Variants in FBXO25 observed in about 807,000 individuals in gnomAD.
The protein encoded by FBXO25 is F-box only protein 25.
Under a neutral mutation model 51.9 loss-of-function variants are expected in FBXO25, and 45 were observed. That is an observed-to-expected ratio of 0.87 (90% CI 0.68 to 1.11). FBXO25 has a LOEUF of 1.11. Among genes scored for constraint, FBXO25 ranks in the 50% most tolerant of loss-of-function variants. FBXO25 has a pLI of 0.00. For synonymous variants in FBXO25, 199 were observed against 151.0 expected (o/e 1.32, Z -2.33); for missense variants, 507 against 428.5 (o/e 1.18, Z -1.62).
At chr8:435,120 T>C (rs1350657954) in intron 4 of FBXO25, among the ~76,000 whole-genome samples, 3 of 152,168 alleles carry the variant, frequency 2.0e-5, no homozygotes, top group African/African-American at 7.2e-5. Context: ...GCATGGCTGC[T>C]CTGGAGAGAA....
chr8:412,106 T>G (rs913625457), intron 1 of FBXO25, among the ~76,000 whole-genome samples: 4 of 152,234 alleles, frequency 2.6e-5, no homozygotes, highest in Non-Finnish European at 5.9e-5. Context: ...GTGAGCGTCA[T>G]GAAGTTAATC....
intron 9 of FBXO25, chr8:468,216 G>C (rs936900560): frequency 5.0e-6 from 5 of 1,009,336 alleles, no homozygotes; most frequent in Non-Finnish European, 5.9e-6. Context: ...GAGCAAGCAG[G>C]AGCCTTGGGG....
chr8:422,058 A>G (rs1453502955), intron 2 of FBXO25, among the ~76,000 whole-genome samples: 2 of 152,240 alleles, frequency 1.3e-5, no homozygotes, highest in African/African-American at 4.8e-5. Context: ...GAAAATCACC[A>G]TGATAATTGT....
chr8:431,345 TTAAA>T lies in FBXO25; in HGVS notation c.142_145del (p.Asn48ValfsTer62). 3 of 1,465,850 alleles carry T rather than the reference TTAAA, an allele frequency of 2.0e-6. No individual in the cohort carries two copies. The highest frequency in any genetic ancestry group is 2.8e-6 in the Non-Finnish European group (3 of 1,076,710). The allele number at this position is 1,465,850 out of a possible 1,614,324, so 90.8% of individuals were successfully genotyped here. A position where few individuals can be genotyped will look rare whatever the true frequency, so the allele number is the denominator to read the frequency against. ...TAGAATGTGTCTTTATTTCAGTATC[TTAAA>T]TAGTGAAGATGGAGAAATATTCAAT... On this transcript the variant is annotated frameshift_variant, in exon 3 of 10. Transcript: ENST00000350302. LOFTEE classifies it high-confidence loss of function.
chr8:462,959 T>G, intron 8 of FBXO25, 48 bp from the exon 9 acceptor site: 1 of 1,568,604 alleles, frequency 6.4e-7, no homozygotes, highest in Non-Finnish European at 8.6e-7. Flanking sequence ...AATATTATGT[T>G]TTGAAAGTCA....
chr8:450,437 C>A (rs537190209), intron 6 of FBXO25, among the ~76,000 whole-genome samples: 10 of 152,238 alleles, frequency 6.6e-5, no homozygotes, highest in South Asian at 6.2e-4. Flanking sequence ...ATCAGATAAG[C>A]CAATAATTTT....
Position 468,714 on chromosome 8 carries a change from G to T in FBXO25, c.988-1G>T. The T allele has an allele frequency of 6.2e-7, 1 of 1,613,700 alleles. No homozygotes were observed. The highest frequency in any genetic ancestry group is 8.5e-7 in the Non-Finnish European group (1 of 1,179,858). ...CCTAACCATCTCCCACCTCCCCACA[G>T]GACTCAGGACACCCCTGCACGGCGG... is the stretch of plus-strand genomic sequence containing the variant. On this transcript the variant is annotated splice_acceptor_variant, in intron 9 of 9. Transcript: ENST00000350302. LOFTEE classifies it high-confidence loss of function.
intron 5 of FBXO25, among the ~76,000 whole-genome samples, chr8:447,259 G>A (rs1798794602): frequency 6.6e-6 from 1 of 152,102 alleles, no homozygotes; most frequent in African/African-American, 2.4e-5. Flanking sequence ...TCACATACAT[G>A]CAGGTAGCGG....
At position 470,509 on chromosome 8, in the gene FBXO25, A is replaced by AG. The variant is rs1219886211; in HGVS notation, c.*1706dup. On this transcript the variant is annotated 3_prime_UTR_variant, in exon 10 of 10. Coordinates refer to ENST00000350302, the MANE Select transcript of FBXO25 (RefSeq NM_183420.2). Reference sequence around the variant, plus strand: ...ATCCTCCCACCTCAGCCTCCCAAGCAGTCAGGACCACAGGCATATACCACC... The same window carrying AG: ...ATCCTCCCACCTCAGCCTCCCAAGCAGGTCAGGACCACAGGCATATACCACC... 6.6e-6 allele frequency: 1 copy of AG among 151,946 alleles called. No individual in the cohort carries two copies. The highest frequency in any genetic ancestry group is 1.5e-5 in the Non-Finnish European group (1 of 68,074). 9.4% of individuals were successfully genotyped at this position (151,946 alleles called of 1,614,324 possible).
chr8:433,603 G>A (rs1797942587), intron 4 of FBXO25, among the ~76,000 whole-genome samples: 1 of 152,176 alleles, frequency 6.6e-6, no homozygotes, highest in Non-Finnish European at 1.5e-5. Context: ...AAACAAACGA[G>A]AGAGCTTCAA....
rs1265794882 is a variant in FBXO25 at position 477,940 on chromosome 8, A to AT, written c.*9140dup. On this transcript the variant is annotated 3_prime_UTR_variant, in exon 10 of 10. Transcript: ENST00000350302. Reference sequence around the variant, plus strand: ...ATTTATACTTTTGTATCTATTTGACATTTTCCATTAAAAGTTATATAACAC... The same window carrying AT: ...ATTTATACTTTTGTATCTATTTGACATTTTTCCATTAAAAGTTATATAACAC... 2 of 152,128 alleles carry AT rather than the reference A, an allele frequency of 1.3e-5. No homozygotes were observed. The highest frequency in any genetic ancestry group is 2.9e-5 in the Non-Finnish European group (2 of 68,008). The allele number at this position is 152,128 out of a possible 1,614,324, so 9.4% of individuals were successfully genotyped here.
chr8:471,979 T>C lies in FBXO25; in HGVS notation c.*3175T>C, dbSNP rs989471215. 3.5e-4 allele frequency: 53 copies of C among 152,264 alleles called. No individual in the cohort carries two copies. Among genetic ancestry groups the C allele is most frequent in the African/African-American group, 1.1e-3 (46 of 41,474 alleles). The allele number at this position is 152,264 out of a possible 1,614,324, so 9.4% of individuals were successfully genotyped here. ...TTTATCAGCTCTTTTAACACCTTTG[T>C]AGATTCCTGATGCTGTGTACAAAAT... is the stretch of plus-strand genomic sequence containing the variant. On this transcript the variant is annotated 3_prime_UTR_variant, in exon 10 of 10. Transcript: ENST00000350302.
intron 5 of FBXO25, among the ~76,000 whole-genome samples, chr8:444,585 A>C (rs2116678607): frequency 6.6e-6 from 1 of 152,268 alleles, no homozygotes; most frequent in East Asian, 1.9e-4. Flanking sequence ...TCTCTATTTG[A>C]AGGATGTACT....
In FBXO25 at chr8:437,335, C is replaced by T. The variant is rs939573016; in HGVS notation, c.381+1628C>T. On this transcript the variant is annotated intron_variant, in intron 5 of 9. Coordinates refer to ENST00000350302, the MANE Select transcript of FBXO25 (RefSeq NM_183420.2). ...TCCAAAGCACCTCTCAGATGTGGAG[C>T]GAGGGAACTGGTGAGCTCAGGAAGC... Among the ~76,000 whole-genome samples, 36 of 152,154 alleles carry T rather than the reference C, an allele frequency of 2.4e-4. 1 individual carries two copies. The highest frequency in any genetic ancestry group is 8.4e-4 in the African/African-American group (35 of 41,430).
intron 9 of FBXO25, among the ~76,000 whole-genome samples, chr8:467,151 G>T (rs1189172490): frequency 1.3e-5 from 2 of 152,130 alleles, no homozygotes; most frequent in East Asian, 3.9e-4. Context: ...CTGAACCAGC[G>T]GGGGAGAACA....
At chr8:440,452 C>T (rs1175384145) in intron 5 of FBXO25, among the ~76,000 whole-genome samples, 2 of 152,196 alleles carry the variant, frequency 1.3e-5, no homozygotes, top group Non-Finnish European at 2.9e-5. Flanking sequence ...GAGTCAAGGA[C>T]AGAGACCAAA....
At chr8:448,431 A>G (rs1006024842) in intron 5 of FBXO25, among the ~76,000 whole-genome samples, 127 of 152,358 alleles carry the variant, frequency 8.3e-4, no homozygotes, top group Admixed American at 2.5e-3. Context: ...TTCTTCAGAT[A>G]GTGGAGTAAT....
intron 2 of FBXO25, among the ~76,000 whole-genome samples, chr8:418,962 A>T (rs557477068): frequency 6.6e-6 from 1 of 152,208 alleles, no homozygotes; most frequent in Non-Finnish European, 1.5e-5. Flanking sequence ...GTATTTTCAC[A>T]ATGTAAAGTA....
At position 435,577 on chromosome 8, in the gene FBXO25, C is replaced by A. The variant is rs762697852; in HGVS notation, c.289-38C>A. 9 of 1,588,928 alleles carry A rather than the reference C, an allele frequency of 5.7e-6. No individual in the cohort carries two copies. The South Asian group carries it at 9.4e-5, about 17-fold the overall frequency. ...GACATTAACTGCCAATTCTTTTTGGCTAATTGACTAATTTTAACTTCTGTG... is the reference window on the plus strand; with the variant it reads ...GACATTAACTGCCAATTCTTTTTGGATAATTGACTAATTTTAACTTCTGTG... On this transcript the variant is annotated intron_variant, in intron 4 of 9. Coordinates refer to ENST00000350302, the MANE Select transcript of FBXO25 (RefSeq NM_183420.2).
Sources: allele counts gnomAD v4.1 joint callset (sites outside exome capture counted in the v4.1 genomes callset), GRCh38; gene constraint gnomAD v4.1.1; transcripts MANE v1.5; gene names NCBI Gene and HGNC (gene_info 2026-07-23, HGNC 2026-07-21).